KBTBD3: variants seen among roughly 807,000 people sequenced by gnomAD.
KBTBD3 encodes the protein kelch repeat and BTB domain containing 3.
Under a neutral mutation model 49.6 loss-of-function variants are expected in KBTBD3, and 38 were observed. The ratio of observed to expected loss-of-function variants is 0.77; its 90% CI spans 0.59 to 1.00. The LOEUF (loss-of-function observed/expected upper bound fraction) is 1.00, where lower values mean the gene tolerates loss of function less well. KBTBD3 is among the 50% of genes least tolerant of loss of function. The probability of loss-of-function intolerance (pLI) is 0.00; values close to 1 mark genes in which losing one functional copy is unlikely to be tolerated. For synonymous variants in KBTBD3, 214 were observed against 250.4 expected (o/e 0.85, Z 1.37); for missense variants, 661 against 712.0 (o/e 0.93, Z 0.81).
intron 2 of KBTBD3, among the ~76,000 whole-genome samples, chr11:106,071,117 T>C (rs1860909367): frequency 6.6e-6 from 1 of 152,156 alleles, no homozygotes; most frequent in Non-Finnish European, 1.5e-5. Context: ...GATCAATCAA[T>C]TCAGAAACTA....
chr11:106,054,088 A>G lies in KBTBD3; in HGVS notation c.601T>C (p.Cys201Arg). 6.2e-7 allele frequency: 1 copy of G among 1,613,482 alleles called. No homozygotes were observed. The highest frequency in any genetic ancestry group is 1.7e-4 in the Middle Eastern group (1 of 6,050). Residue 201 changes from cysteine (C) to arginine (R), a missense_variant, in exon 4 of 4, where the codon TGT becomes CGT. Transcript: ENST00000531837. The stretch of plus-strand genomic sequence containing the variant: ...ACATTTAATTCATCTGATTCCAGAC[A>G]TTTCTGTAGTACTCCAAAATTCATC... ...LEMNFGVLQK[C>R]LESDELNVPE...
intron 2 of KBTBD3, among the ~76,000 whole-genome samples, chr11:106,068,469 T>G (rs1353342228): frequency 6.6e-6 from 1 of 152,158 alleles, no homozygotes; most frequent in Non-Finnish European, 1.5e-5. Context: ...ATACAATATA[T>G]CAAAATGTGT....
At chr11:106,061,836 A>C (rs1332766741) in intron 2 of KBTBD3, among the ~76,000 whole-genome samples, 1 of 151,790 alleles carries the variant, frequency 6.6e-6, no homozygotes, top group Non-Finnish European at 1.5e-5. Flanking sequence ...ATACCTATAC[A>C]TATGTATAGT....
In KBTBD3 at chr11:106,052,110, C is replaced by G; in HGVS notation, c.*740G>C. On this transcript the variant is annotated 3_prime_UTR_variant, in exon 4 of 4. Transcript: ENST00000531837. ...TAACATAAACTCAGGCCAGGTGTAA[C>G]TTAGAACTACTAATTAAATCCAGAA... is the stretch of plus-strand genomic sequence containing the variant. The G allele has an allele frequency of 6.6e-6, 1 of 151,426 alleles. No homozygotes were observed. The highest frequency in any genetic ancestry group is 1.9e-4 in the East Asian group (1 of 5,154). The allele number at this position is 151,426 out of a possible 1,614,324, so 9.4% of individuals were successfully genotyped here.
chr11:106,060,130 AG>A lies in KBTBD3; in HGVS notation c.-12-1022del, dbSNP rs1340006211. Among the ~76,000 whole-genome samples the A allele has an allele frequency of 3.4e-5, 4 of 116,816 alleles. No homozygotes were observed. In the East Asian group the frequency reaches 1.1e-3, roughly 31 times the overall value. The allele number at this position is 116,816 out of a possible 152,430, so 76.6% of individuals were successfully genotyped here. A position where few individuals can be genotyped will look rare whatever the true frequency, so the allele number is the denominator to read the frequency against. On this transcript the variant is annotated intron_variant, in intron 2 of 3. Transcript: ENST00000531837. ...GATTCAGCTGGGACGGCTAGAAGAG[AG>A]GGGATCTTTCTTCCTTTTTTTGTTT...
chr11:106,062,132 T>C (rs1430910899), intron 2 of KBTBD3, among the ~76,000 whole-genome samples: 1 of 152,056 alleles, frequency 6.6e-6, no homozygotes, highest in East Asian at 1.9e-4. Flanking sequence ...TCTAAGTGAC[T>C]TGTAGAAATC....
intron 3 of KBTBD3, among the ~76,000 whole-genome samples, chr11:106,055,955 CATCT>C (rs1274805169): frequency 6.6e-6 from 1 of 152,138 alleles, no homozygotes; most frequent in Non-Finnish European, 1.5e-5. Flanking sequence ...ATCCAGTTAA[CATCT>C]ATCTCCAATT....
chr11:106,068,307 G>A (rs374569862), intron 2 of KBTBD3, among the ~76,000 whole-genome samples: 14 of 152,012 alleles, frequency 9.2e-5, no homozygotes, highest in South Asian at 2.1e-4. Context: ...CTTTCACCAC[G>A]ATGAAATCAA....
intron 2 of KBTBD3, among the ~76,000 whole-genome samples, chr11:106,062,147 T>C (rs1257292610): frequency 6.6e-6 from 1 of 152,124 alleles, no homozygotes; most frequent in African/African-American, 2.4e-5. Flanking sequence ...GAAATCATTT[T>C]GTGTGTAGTG....
At chr11:106,068,362 C>T (rs566000685) in intron 2 of KBTBD3, among the ~76,000 whole-genome samples, 1 of 152,248 alleles carries the variant, frequency 6.6e-6, no homozygotes, top group Admixed American at 6.5e-5. Context: ...TCTCCACACA[C>T]TTGGAAACAT....
chr11:106,056,065 C>T (rs184604580), intron 3 of KBTBD3, among the ~76,000 whole-genome samples: 138 of 152,128 alleles, frequency 9.1e-4, no homozygotes, highest in African/African-American at 3.2e-3. Context: ...TTTTTGTTTT[C>T]CAAAAACACT....
intron 2 of KBTBD3, among the ~76,000 whole-genome samples, chr11:106,074,713 T>C (rs983616330): frequency 9.9e-5 from 15 of 152,176 alleles, no homozygotes; most frequent in African/African-American, 3.6e-4. Context: ...CTGATTAGTA[T>C]TTCAGATGAA....
At chr11:106,076,311 G>A (rs1012350599) in intron 2 of KBTBD3, 196 bp downstream of exon 2, 1 of 152,192 alleles carries the variant, frequency 6.6e-6, no homozygotes, top group Non-Finnish European at 1.5e-5. Context: ...GATATATTAA[G>A]CCAATAATTC....
chr11:106,064,371 C>A (rs944112172), intron 2 of KBTBD3, among the ~76,000 whole-genome samples: 8 of 151,630 alleles, frequency 5.3e-5, no homozygotes, highest in Non-Finnish European at 1.0e-4. Context: ...AATGGTGAAA[C>A]CCCGTCTCTA....
chr11:106,063,055 A>T (rs1269617420), intron 2 of KBTBD3, among the ~76,000 whole-genome samples: 1 of 152,282 alleles, frequency 6.6e-6, no homozygotes, highest in Non-Finnish European at 1.5e-5. Context: ...TCTTCCCAAG[A>T]GTGTGATATA....
At position 106,053,787 on chromosome 11, in the gene KBTBD3, T is replaced by C; in HGVS notation, c.902A>G (p.Lys301Arg). 6.2e-7 allele frequency: 1 copy of C among 1,613,946 alleles called. No individual in the cohort carries two copies. Among genetic ancestry groups the C allele is most frequent in the South Asian group, 1.1e-5 (1 of 91,076 alleles). Reference sequence around the variant, plus strand: ...TTGATTTTCTCCATTTTCCTCAGTTTTGTGAATGAATATGTATTTCTCAGT... The same window carrying C: ...TTGATTTTCTCCATTTTCCTCAGTTCTGTGAATGAATATGTATTTCTCAGT... The part of the protein sequence containing the change: ...STTEKYIFIH[K>R]TEENGENQYT... Residue 301 changes from lysine to arginine, a missense_variant, in exon 4 of 4, where the codon AAA becomes AGA. Lys to Arg is a conservative substitution (Grantham distance 26, BLOSUM62 2). Transcript: ENST00000531837.
intron 2 of KBTBD3, among the ~76,000 whole-genome samples, chr11:106,073,890 T>C (rs1860972033): frequency 6.6e-6 from 1 of 152,214 alleles, no homozygotes; most frequent in Non-Finnish European, 1.5e-5. Context: ...GACAGTGACA[T>C]GACATCATTT....
intron 2 of KBTBD3, among the ~76,000 whole-genome samples, chr11:106,066,564 C>A (rs1265175351): frequency 6.6e-6 from 1 of 152,020 alleles, no homozygotes; most frequent in Non-Finnish European, 1.5e-5. Context: ...TTTTAGTGCT[C>A]TTTAGATCCA....
chr11:106,061,661 C>T (rs1860697972), intron 2 of KBTBD3, among the ~76,000 whole-genome samples: 1 of 151,912 alleles, frequency 6.6e-6, no homozygotes, highest in East Asian at 2.0e-4. Context: ...AGCTGGAACT[C>T]AAACTGGAAC....
Sources: allele counts gnomAD v4.1 joint callset (sites outside exome capture counted in the v4.1 genomes callset), GRCh38; gene constraint gnomAD v4.1.1; transcripts MANE v1.5; gene names NCBI Gene and HGNC (gene_info 2026-07-23, HGNC 2026-07-21).